The following DLG2 variants were observed in gnomAD, a reference collection of about 807,000 sequenced individuals.
The protein encoded by DLG2 is disks large homolog 2.
Under a neutral mutation model 132.5 loss-of-function variants are expected in DLG2, and 45 were observed. That is an observed-to-expected ratio of 0.34 (90% CI 0.27 to 0.44). The LOEUF (loss-of-function observed/expected upper bound fraction) is 0.44. Ranked by LOEUF, DLG2 falls within the 20% of genes least tolerant of loss-of-function variation. The probability of loss-of-function intolerance (pLI) is 1.00; values close to 1 mark genes in which losing one functional copy is unlikely to be tolerated. For synonymous variants in DLG2, 424 were observed against 419.6 expected, an observed-to-expected ratio of 1.01 and a Z score of -0.13; for missense variants, 1,045 against 1,196.9, an observed-to-expected ratio of 0.87 and a Z score of 1.87.
intron 6 of DLG2, among the ~76,000 whole-genome samples, chr11:84,799,495 G>C (rs556457686): frequency 5.9e-5 from 9 of 152,146 alleles, no homozygotes; most frequent in Non-Finnish European, 7.4e-5. Flanking sequence ...TTGCTCACCT[G>C]ATTTTTTATT....
intron 7 of DLG2, among the ~76,000 whole-genome samples, chr11:84,287,935 A>C (rs2097929654): frequency 2.0e-5 from 3 of 150,628 alleles, no homozygotes. Flanking sequence ...ATTAAATGAA[A>C]AAGCAAAGAA....
At chr11:85,257,892 A>G (rs1430793173) in intron 4 of DLG2, among the ~76,000 whole-genome samples, 1 of 152,200 alleles carries the variant, frequency 6.6e-6, no homozygotes, top group African/African-American at 2.4e-5. Context: ...AAGGTTTGAG[A>G]GGTTATGAAA....
At chr11:83,581,054 T>C (rs2096966792) in intron 19 of DLG2, among the ~76,000 whole-genome samples, 3 of 151,636 alleles carry the variant, frequency 2.0e-5, no homozygotes, top group African/African-American at 7.3e-5. Context: ...GAGACAAGTT[T>C]GCGAATTCAT....
chr11:83,980,699 G>A, intron 11 of DLG2, 57 bp from the exon 12 acceptor site: 1 of 1,429,874 alleles, frequency 7.0e-7, no homozygotes, highest in Non-Finnish European at 9.2e-7. Flanking sequence ...GTTGTTTTTA[G>A]AAAATGCAGT....
intron 4 of DLG2, among the ~76,000 whole-genome samples, chr11:85,172,916 T>C (rs2078976842): frequency 6.6e-6 from 1 of 151,572 alleles, no homozygotes; most frequent in Non-Finnish European, 1.5e-5. Context: ...GCAAAAAAAA[T>C]AGAGAGTAAA....
chr11:83,582,012 A>G (rs1233357439), intron 19 of DLG2, among the ~76,000 whole-genome samples: 1 of 117,610 alleles, frequency 8.5e-6, no homozygotes, highest in East Asian at 3.0e-4. Context: ...GCTGGAGTGC[A>G]ATGGCTCAAT....
At chr11:84,518,473 A>G (rs983888032) in intron 7 of DLG2, among the ~76,000 whole-genome samples, 2 of 152,124 alleles carry the variant, frequency 1.3e-5, no homozygotes, top group African/African-American at 4.8e-5. Context: ...CTTCAATATA[A>G]ACATTTCCCA....
At chr11:85,021,401 C>G in intron 6 of DLG2, 1 of 1,370,982 alleles carries the variant, frequency 7.3e-7, no homozygotes, top group Non-Finnish European at 1.0e-6. Context: ...GGCACTGGAG[C>G]CAGGTTAATA....
At chr11:84,182,642 A>G (rs2096167922) in intron 8 of DLG2, among the ~76,000 whole-genome samples, 1 of 152,206 alleles carries the variant, frequency 6.6e-6, no homozygotes, top group Non-Finnish European at 1.5e-5. Flanking sequence ...ATGAATGTAT[A>G]TAAATGAAGA....
intron 6 of DLG2, among the ~76,000 whole-genome samples, chr11:84,602,468 T>C (rs1047576678): frequency 1.3e-5 from 2 of 151,996 alleles, no homozygotes; most frequent in African/African-American, 4.8e-5. Flanking sequence ...AGTTTCTAAA[T>C]AAGAAAGAGA....
intron 6 of DLG2, among the ~76,000 whole-genome samples, chr11:84,831,583 G>C (rs2079060726): frequency 6.6e-6 from 1 of 151,344 alleles, no homozygotes; most frequent in Admixed American, 6.6e-5. Flanking sequence ...AAAATTAAAG[G>C]AATAAAAAGA....
At chr11:85,430,657 A>T (rs2091113311) in intron 3 of DLG2, among the ~76,000 whole-genome samples, 1 of 152,122 alleles carries the variant, frequency 6.6e-6, no homozygotes, top group Admixed American at 6.6e-5. Flanking sequence ...ATTTGACCTC[A>T]TTTCTGTGGG....
intron 3 of DLG2, among the ~76,000 whole-genome samples, chr11:85,408,004 T>C (rs994178828): frequency 2.7e-5 from 4 of 150,892 alleles, no homozygotes; most frequent in Non-Finnish European, 1.5e-5. Flanking sequence ...CTGCTATATA[T>C]CTAGACAAAA....
chr11:85,601,967 G>A lies in DLG2; in HGVS notation c.-92-3179C>T, dbSNP rs539171115. ...TATTACCAGCACCCTCAAGACTTCC[G>A]AATGTATATCTGTAGCTCAGAACTT... On this transcript the variant is annotated intron_variant, in intron 2 of 27. Transcript: ENST00000376104. Among the ~76,000 whole-genome samples the A allele has an allele frequency of 2.1e-3, 323 of 152,174 alleles. 2 individuals are homozygous for A. The highest frequency in any genetic ancestry group is 7.5e-3 in the African/African-American group (311 of 41,534).
At chr11:85,313,612 A>G (rs183003461) in intron 3 of DLG2, among the ~76,000 whole-genome samples, 1 of 152,044 alleles carries the variant, frequency 6.6e-6, no homozygotes, top group Non-Finnish European at 1.5e-5. Context: ...GAGGTGCTGC[A>G]TGGAGAAAAC....
intron 7 of DLG2, among the ~76,000 whole-genome samples, chr11:84,472,838 A>T (rs1269989347): frequency 1.3e-5 from 2 of 152,024 alleles, no homozygotes; most frequent in East Asian, 3.9e-4. Context: ...TTATCCTCAA[A>T]TCTTGCTAAT....
chr11:85,191,480 G>T (rs1414856391), intron 4 of DLG2, among the ~76,000 whole-genome samples: 1 of 152,072 alleles, frequency 6.6e-6, no homozygotes, highest in Non-Finnish European at 1.5e-5. Context: ...ATGCAAGGAA[G>T]AAAACAGTCC....
At chr11:83,887,361 A>C (rs1048288288) in intron 15 of DLG2, among the ~76,000 whole-genome samples, 42 of 151,988 alleles carry the variant, frequency 2.8e-4, no homozygotes, top group African/African-American at 7.7e-4. Context: ...GAAATGGATA[A>C]ATTCCTCGAC....
intron 3 of DLG2, among the ~76,000 whole-genome samples, chr11:85,477,488 A>G (rs2093176469): frequency 6.6e-6 from 1 of 152,250 alleles, no homozygotes; most frequent in Non-Finnish European, 1.5e-5. Flanking sequence ...ACGGAAGATT[A>G]CAGACATTAG....
Sources: allele counts gnomAD v4.1 joint callset (sites outside exome capture counted in the v4.1 genomes callset), GRCh38; gene constraint gnomAD v4.1.1; transcripts MANE v1.5; gene names NCBI Gene and HGNC (gene_info 2026-07-23, HGNC 2026-07-21).